The following RNF121 variants were observed in gnomAD, a reference collection of about 807,000 sequenced individuals.
RNF121 encodes E3 ubiquitin ligase RNF121.
Under a neutral mutation model 46.5 loss-of-function variants are expected in RNF121, and 21 were observed. The ratio of observed to expected loss-of-function variants is 0.45; its 90% CI spans 0.32 to 0.65. The LOEUF is 0.65. RNF121 is among the 30% of genes least tolerant of loss of function. The probability of loss-of-function intolerance (pLI) is 0.04; values close to 1 mark genes in which losing one functional copy is unlikely to be tolerated. For synonymous variants in RNF121, 139 were observed against 144.7 expected (o/e 0.96, Z 0.28); for missense variants, 346 against 416.0 (o/e 0.83, Z 1.46).
intron 6 of RNF121, among the ~76,000 whole-genome samples, chr11:71,992,143 A>G (rs1954876854): frequency 6.6e-6 from 1 of 152,230 alleles, no homozygotes; most frequent in Admixed American, 6.5e-5. Flanking sequence ...ATAATCATGC[A>G]AAGGCACAAC....
chr11:71,941,955 CG>C (rs1386821439), intron 1 of RNF121, among the ~76,000 whole-genome samples: 2 of 131,926 alleles, frequency 1.5e-5, no homozygotes, highest in African/African-American at 5.8e-5. Flanking sequence ...TTTTTTGAGA[CG>C]GAGTCTTGCT....
intron 6 of RNF121, 88 bp from the exon 7 acceptor site, chr11:71,994,631 C>G: frequency 1.3e-6 from 2 of 1,528,596 alleles, no homozygotes; most frequent in Admixed American, 3.5e-5. Flanking sequence ...TGCCTCTTCT[C>G]TAGAAGGCCT....
chr11:71,973,021 T>C (rs1276437055), intron 3 of RNF121, among the ~76,000 whole-genome samples: 1 of 152,042 alleles, frequency 6.6e-6, no homozygotes, highest in Non-Finnish European at 1.5e-5. Flanking sequence ...ACCTTGTCTC[T>C]ACTAAAAATA....
intron 3 of RNF121, among the ~76,000 whole-genome samples, chr11:71,973,846 A>T (rs1164565446): frequency 6.6e-6 from 1 of 152,224 alleles, no homozygotes; most frequent in Non-Finnish European, 1.5e-5. Context: ...CTGACAAGGA[A>T]GAGGCCAAAG....
Position 71,996,184 on chromosome 11 carries a change from C to T in RNF121, c.864-11C>T, listed in dbSNP as rs1211688301. 1 of 1,613,776 alleles carries T rather than the reference C, an allele frequency of 6.2e-7. No homozygotes were observed. The highest frequency in any genetic ancestry group is 1.1e-5 in the South Asian group (1 of 91,072). On this transcript the variant is annotated splice_polypyrimidine_tract_variant and intron_variant, in intron 8 of 8. Transcript: ENST00000361756. ...CTTGCACAGAGTCTCTTTTCTTTAA[C>T]ACACTGACAGCTGGGAGAGGCCTCA...
At chr11:71,942,471 A>C (rs1191628127) in intron 1 of RNF121, among the ~76,000 whole-genome samples, 6 of 152,040 alleles carry the variant, frequency 3.9e-5, no homozygotes, top group African/African-American at 1.4e-4. Context: ...TTTATAAACA[A>C]CAGAAATTTA....
In RNF121 at chr11:71,964,499, A is replaced by T. The variant is rs566469418; in HGVS notation, c.243+3608A>T. On this transcript the variant is annotated intron_variant, in intron 3 of 8. Transcript: ENST00000361756. Reference sequence around the variant, plus strand: ...TTTTTTTTTCCTGAGACAAGGTCTTATTCTGATTGCCCATACTGGAATGCA... The same window carrying T: ...TTTTTTTTTCCTGAGACAAGGTCTTTTTCTGATTGCCCATACTGGAATGCA... Among the ~76,000 whole-genome samples, 7 of 151,400 alleles carry T rather than the reference A, an allele frequency of 4.6e-5. No homozygotes were observed. The South Asian group carries it at 1.5e-3, about 32-fold the overall frequency.
At chr11:71,986,569 C>T (rs958723252) in intron 4 of RNF121, among the ~76,000 whole-genome samples, 11 of 151,890 alleles carry the variant, frequency 7.2e-5, no homozygotes, top group African/African-American at 2.2e-4. Context: ...AATTCGAGAC[C>T]AGCCTGGCCA....
At chr11:71,961,039 G>A (rs1954119309) in intron 3 of RNF121, 148 bp downstream of exon 3, 2 of 890,480 alleles carry the variant, frequency 2.2e-6, no homozygotes, top group African/African-American at 3.3e-5. Flanking sequence ...ATAGTGTATT[G>A]GCGAGTGTGT....
chr11:71,986,790 GA>G (rs1198890761), intron 4 of RNF121, among the ~76,000 whole-genome samples: 15 of 130,716 alleles, frequency 1.1e-4, no homozygotes, highest in East Asian at 2.2e-4. Context: ...AAAAAAAAAA[GA>G]AAAAAAATAC....
intron 2 of RNF121, among the ~76,000 whole-genome samples, chr11:71,959,085 T>G (rs1324737894): frequency 6.6e-6 from 1 of 152,224 alleles, no homozygotes; most frequent in Non-Finnish European, 1.5e-5. Context: ...AATTGTGATA[T>G]ACAGATGTGA....
intron 6 of RNF121, among the ~76,000 whole-genome samples, chr11:71,994,041 T>G (rs932393731): frequency 6.6e-6 from 1 of 152,040 alleles, no homozygotes; most frequent in East Asian, 1.9e-4. Flanking sequence ...GGGGTTTCAC[T>G]GTGTTAGTTA....
intron 1 of RNF121, among the ~76,000 whole-genome samples, chr11:71,945,352 A>G (rs926995215): frequency 5.9e-5 from 9 of 152,176 alleles, no homozygotes; most frequent in Non-Finnish European, 1.0e-4. Context: ...CACTGTGCCA[A>G]AAGGAGTCAC....
chr11:71,959,928 G>A (rs193046444), intron 2 of RNF121, among the ~76,000 whole-genome samples: 95 of 152,252 alleles, frequency 6.2e-4, no homozygotes, highest in African/African-American at 2.2e-3. Flanking sequence ...GAGCCACCGC[G>A]CCCGGCCTCT....
At chr11:71,966,270 T>C (rs2134183911) in intron 3 of RNF121, among the ~76,000 whole-genome samples, 1 of 152,284 alleles carries the variant, frequency 6.6e-6, no homozygotes, top group East Asian at 1.9e-4. Flanking sequence ...CCGCTCACCT[T>C]GGCCTCCCAA....
At chr11:71,982,046 AG>A (rs1954670658) in intron 3 of RNF121, among the ~76,000 whole-genome samples, 1 of 152,192 alleles carries the variant, frequency 6.6e-6, no homozygotes, top group African/African-American at 2.4e-5. Flanking sequence ...GCAGGTGGGA[AG>A]GACAACCTGA....
intron 1 of RNF121, among the ~76,000 whole-genome samples, chr11:71,935,850 T>C (rs1013245710): frequency 2.8e-5 from 4 of 144,326 alleles, no homozygotes; most frequent in Admixed American, 6.9e-5. Flanking sequence ...CTTTTTCTTT[T>C]TTTTTTTTTT....
chr11:71,930,999 A>AT (rs1565135289), intron 1 of RNF121, among the ~76,000 whole-genome samples: 1 of 151,816 alleles, frequency 6.6e-6, no homozygotes, highest in Non-Finnish European at 1.5e-5. Context: ...CGCCCGGCTG[A>AT]TTTTTTGTAT....
intron 3 of RNF121, among the ~76,000 whole-genome samples, chr11:71,977,628 G>A (rs1323122227): frequency 6.6e-6 from 1 of 152,196 alleles, no homozygotes; most frequent in Non-Finnish European, 1.5e-5. Context: ...CTTCAGCTTT[G>A]TATTTGCACA....
Sources: gnomAD v4.1 joint callset for allele counts (sites outside exome capture counted in the v4.1 genomes callset) on GRCh38, gnomAD v4.1.1 for gene constraint, MANE v1.5 for transcripts, NCBI Gene and HGNC (gene_info 2026-07-23, HGNC 2026-07-21) for gene names.